SLC3A1: variants seen among roughly 807,000 people sequenced by gnomAD.
SLC3A1 encodes the protein solute carrier family 3 member 1, also known as amino acid transporter heavy chain SLC3A1.
In SLC3A1, 78 loss-of-function variants were observed where a neutral mutation model predicts 60.3. That is an observed-to-expected ratio of 1.29 (90% CI 1.08 to 1.56). SLC3A1 has a LOEUF of 1.56. Among genes scored for constraint, SLC3A1 ranks in the 40% most tolerant of loss-of-function variants. SLC3A1 has a pLI of 0.00. For synonymous variants in SLC3A1, 392 were observed against 307.9 expected (o/e 1.27, Z -2.86); for missense variants, 1,172 against 858.9 (o/e 1.36, Z -4.56).
chr2:44,297,652 C>T (rs569216547), intron 4 of SLC3A1, among the ~76,000 whole-genome samples: 2 of 152,286 alleles, frequency 1.3e-5, no homozygotes, highest in East Asian at 3.9e-4. Flanking sequence ...TGCTGTACTT[C>T]TGTAATGTTT....
intron 3 of SLC3A1, among the ~76,000 whole-genome samples, chr2:44,282,987 G>T (rs1572791840): frequency 6.6e-6 from 1 of 152,062 alleles, no homozygotes; most frequent in African/African-American, 2.4e-5. Flanking sequence ...TCAACAATAT[G>T]CGTGTTGATC....
chr2:44,293,577 A>G (rs13004485), intron 4 of SLC3A1, among the ~76,000 whole-genome samples: 113,560 of 151,690 alleles, frequency 0.75, 43,581 homozygotes, highest in Non-Finnish European at 0.84. Flanking sequence ...GTCTAGAGAT[A>G]AAACTTTGGG....
Position 44,310,027 on chromosome 2 carries a change from G to C in SLC3A1, c.1333-2559G>C, listed in dbSNP as rs528815237. Among the ~76,000 whole-genome samples, 7 of 152,190 alleles carry C rather than the reference G, an allele frequency of 4.6e-5. No individual in the cohort carries two copies. In the South Asian group the frequency reaches 1.5e-3, roughly 32 times the overall value. On this transcript the variant is annotated intron_variant, in intron 7 of 9. Coordinates refer to ENST00000260649, the MANE Select transcript of SLC3A1 (RefSeq NM_000341.4). ...CTGCATTAGCTCCCACAAAGTAGCT[G>C]GGACTATAGGTGCATACCACCATAC...
Position 44,320,225 on chromosome 2 carries a change from T to C in SLC3A1, c.1644T>C (p.Ala548=). The change falls in exon 10 of 10, where the codon GCT becomes GCC. Residue 548 remains alanine, a synonymous_variant. Coordinates refer to ENST00000260649, the MANE Select transcript of SLC3A1 (RefSeq NM_000341.4). ...TCCAAAAGACTCAGCCCAGATCGGCTTTGAAGTTATATCAAGATTTAAGTC... is the reference window on the plus strand; with the variant it reads ...TCCAAAAGACTCAGCCCAGATCGGCCTTGAAGTTATATCAAGATTTAAGTC... ...VDVQKTQPRS[A]LKLYQDLSLL... 2 of 1,613,974 alleles carry C rather than the reference T, an allele frequency of 1.2e-6. No individual in the cohort carries two copies. Among genetic ancestry groups the C allele is most frequent in the Non-Finnish European group, 1.7e-6 (2 of 1,179,888 alleles).
Position 44,314,612 on chromosome 2 carries a change from T to A in SLC3A1, c.1617+661T>A, listed in dbSNP as rs138524410. 2.8e-3 allele frequency: 416 copies of A among 148,110 alleles called. 1 individual carries two copies. Among genetic ancestry groups the A allele is most frequent in the African/African-American group, 1.0e-2 (394 of 39,416 alleles). 9.2% of individuals were successfully genotyped at this position (148,110 alleles called of 1,614,324 possible). On this transcript the variant is annotated intron_variant, in intron 9 of 9. Coordinates refer to ENST00000260649, the MANE Select transcript of SLC3A1 (RefSeq NM_000341.4). ...CTCTGCCACACACACACACACACCA[T>A]GCCCATCCCACTCTACTGAGTAATC...
intron 4 of SLC3A1, among the ~76,000 whole-genome samples, chr2:44,294,190 C>T (rs1290614495): frequency 3.3e-5 from 5 of 151,890 alleles, no homozygotes; most frequent in Non-Finnish European, 7.4e-5. Context: ...TCAAATGATG[C>T]AGAGAGATTG....
chr2:44,299,302 G>A (rs2104361545), intron 4 of SLC3A1, among the ~76,000 whole-genome samples: 1 of 152,334 alleles, frequency 6.6e-6, no homozygotes, highest in East Asian at 1.9e-4. Flanking sequence ...GCCTCCCAGA[G>A]TGCTGGGATT....
rs368988955 is a variant in SLC3A1, at chr2:44,280,883, A to G, written c.598A>G (p.Ile200Val). 1.2e-6 allele frequency: 2 copies of G among 1,614,128 alleles called. No homozygotes were observed. The highest frequency in any genetic ancestry group is 2.2e-5 in the South Asian group (2 of 91,090). The change falls in exon 2 of 10, where the codon ATA becomes GTA. Residue 200 changes from isoleucine to valine, a missense_variant. Coordinates refer to ENST00000260649, the MANE Select transcript of SLC3A1 (RefSeq NM_000341.4). ...AGATTTTGAGAATCTGGTTGCAGCC[A>G]TACATGATAAAGGTAAGTTGAATGG... ...MEDFENLVAAIHDKGLKLIID... is the reference protein window; with the variant it reads ...MEDFENLVAAVHDKGLKLIID...
rs753764045 is a variant in SLC3A1 at position 44,284,367 on chromosome 2, C to T, written c.766-1665C>T. Reference sequence around the variant, plus strand: ...TGCTAGGATTACAGGCGTGAGCCACCACGCCCAACCAAGGGCTTCTTTTAG... The same window carrying T: ...TGCTAGGATTACAGGCGTGAGCCACTACGCCCAACCAAGGGCTTCTTTTAG... On this transcript the variant is annotated intron_variant, in intron 3 of 9. Coordinates refer to ENST00000260649, the MANE Select transcript of SLC3A1 (RefSeq NM_000341.4). Among the ~76,000 whole-genome samples, 47 of 152,110 alleles carry T rather than the reference C, an allele frequency of 3.1e-4. 1 individual carries two copies. Among genetic ancestry groups the T allele is most frequent in the Non-Finnish European group, 5.0e-4 (34 of 68,026 alleles).
chr2:44,283,483 A>G (rs1347572730), intron 3 of SLC3A1, among the ~76,000 whole-genome samples: 1 of 152,222 alleles, frequency 6.6e-6, no homozygotes, highest in Admixed American at 6.5e-5. Flanking sequence ...AGTCTGGTGT[A>G]ATTCCTGTTT....
At chr2:44,281,284 A>T in intron 2 of SLC3A1, 103 bp from the exon 3 acceptor site, 1 of 1,000,026 alleles carries the variant, frequency 1.0e-6, no homozygotes, top group Non-Finnish European at 1.6e-6. Flanking sequence ...TTAGCCTCCC[A>T]GTGTATTGGG....
At chr2:44,287,051 A>G (rs1671633930) in intron 4 of SLC3A1, among the ~76,000 whole-genome samples, 1 of 152,160 alleles carries the variant, frequency 6.6e-6, no homozygotes, top group Non-Finnish European at 1.5e-5. Context: ...TTCTGTACTC[A>G]TTGAGTAAAT....
intron 4 of SLC3A1, among the ~76,000 whole-genome samples, chr2:44,295,629 T>C (rs1037324413): frequency 3.3e-5 from 5 of 152,208 alleles, no homozygotes; most frequent in Non-Finnish European, 7.3e-5. Flanking sequence ...AACAATGATA[T>C]TATTTCTGAT....
intron 7 of SLC3A1, 22 bp downstream of exon 7, chr2:44,304,360 G>A: frequency 6.4e-7 from 1 of 1,558,968 alleles, no homozygotes; most frequent in Non-Finnish European, 8.9e-7. Flanking sequence ...TGACAGCAGA[G>A]TACATAATGT....
At chr2:44,309,921 C>T (rs563616279) in intron 7 of SLC3A1, among the ~76,000 whole-genome samples, 1 of 150,458 alleles carries the variant, frequency 6.6e-6, no homozygotes, top group Non-Finnish European at 1.5e-5. Flanking sequence ...CAGGGTCTCA[C>T]TTTGTCATCA....
At chr2:44,308,576 T>C (rs568758245) in intron 7 of SLC3A1, among the ~76,000 whole-genome samples, 16 of 152,334 alleles carry the variant, frequency 1.1e-4, no homozygotes, top group African/African-American at 3.6e-4. Flanking sequence ...GTTCTTTTGA[T>C]ATTATTGTAA....
chr2:44,314,993 G>A (rs895088010), intron 9 of SLC3A1: 1 of 133,022 alleles, frequency 7.5e-6, no homozygotes, highest in African/African-American at 2.8e-5. Flanking sequence ...GTGCAATGGT[G>A]TGGTCTTGGC....
intron 1 of SLC3A1, among the ~76,000 whole-genome samples, chr2:44,276,891 C>T (rs987533615): frequency 6.6e-6 from 1 of 151,844 alleles, no homozygotes; most frequent in African/African-American, 2.4e-5. Context: ...TACTTCAAGG[C>T]AACAATAGGA....
chr2:44,276,863 T>A (rs1306878292), intron 1 of SLC3A1, among the ~76,000 whole-genome samples: 1 of 152,150 alleles, frequency 6.6e-6, no homozygotes, highest in East Asian at 1.9e-4. Flanking sequence ...CTGAGCAAAT[T>A]GGTTGGTATG....
Sources: gnomAD v4.1 joint callset for allele counts (sites outside exome capture counted in the v4.1 genomes callset) on GRCh38, gnomAD v4.1.1 for gene constraint, MANE v1.5 for transcripts, NCBI Gene and HGNC (gene_info 2026-07-23, HGNC 2026-07-21) for gene names.